The following TST variants were observed in gnomAD, a reference collection of about 807,000 sequenced individuals.
The protein encoded by TST is thiosulfate sulfurtransferase, also known as epididymis secretory sperm binding protein.
A neutral mutation model predicts 20.4 loss-of-function variants in TST; 22 were observed. The observed-to-expected ratio is 1.08, with a 90% CI of 0.77 to 1.54. TST has a LOEUF of 1.54. Ranked by LOEUF, TST falls within the 40% of genes most tolerant of loss-of-function variation. The pLI, the probability that TST is intolerant of heterozygous loss-of-function variation, is 0.00. For synonymous variants in TST, 187 were observed against 173.8 expected, an observed-to-expected ratio of 1.08 and a Z score of -0.60; for missense variants, 392 against 405.2, an observed-to-expected ratio of 0.97 and a Z score of 0.28.
intron 2 of TST, among the ~76,000 whole-genome samples, chr22:37,011,913 A>C (rs135166): frequency 0.11 from 17,024 of 152,232 alleles, 1,177 homozygotes; most frequent in African/African-American, 0.18. Context: ...AAGGCCACAC[A>C]GAAAGATGAA....
In TST at chr22:37,011,254, C is replaced by T. The variant is rs144661934; in HGVS notation, c.667G>A (p.Glu223Lys). The T allele has an allele frequency of 8.8e-5, 142 of 1,613,828 alleles. 2 individuals carry two copies. The African/African-American group carries it at 1.1e-3, about 12-fold the overall frequency. ...GCACGGAGCTCTTCTGGGCCCTTCT[C>T]GAAGCCATCCTCAGTCAGGAAGTCC... is the stretch of plus-strand genomic sequence containing the variant. ...FMDFLTEDGF[E>K]KGPEELRALF... The change falls in exon 3 of 3, where the codon GAG becomes AAG. Residue 223 changes from glutamate (E) to lysine (K), a missense_variant. Glu to Lys is a moderately conservative substitution (Grantham distance 56, BLOSUM62 1). Transcript: ENST00000249042.
intron 2 of TST, among the ~76,000 whole-genome samples, chr22:37,013,602 A>C (rs1254701589): frequency 6.6e-6 from 1 of 152,148 alleles, no homozygotes; most frequent in Non-Finnish European, 1.5e-5. Flanking sequence ...TCAAAAATAT[A>C]ATAATAATGA....
At chr22:37,018,111 G>A in intron 2 of TST, 27 bp downstream of exon 2, 1 of 1,496,216 alleles carries the variant, frequency 6.7e-7, no homozygotes. Flanking sequence ...ATACTCCCCA[G>A]GGACCACCCA....
Position 37,011,122 on chromosome 22 carries a change from G to A in TST, c.799C>T (p.Pro267Ser). 1.2e-6 allele frequency: 2 copies of A among 1,613,672 alleles called. No individual in the cohort carries two copies. Among genetic ancestry groups the A allele is most frequent in the Non-Finnish European group, 1.7e-6 (2 of 1,180,036 alleles). Residue 267 changes from proline (P) to serine (S), a missense_variant, in exon 3 of 3, where the codon CCT (proline) becomes TCT (serine). Physicochemically the swap from Pro to Ser is moderately conservative, Grantham distance 74 (BLOSUM62 -1). Coordinates refer to ENST00000249042, the MANE Select transcript of TST (RefSeq NM_003312.6). Reference sequence around the variant, plus strand: ...GAGCCATCGTACACGGCCACATCAGGCTTGCCGCAGAGGTAGGCAGCCAAG... The same window carrying A: ...GAGCCATCGTACACGGCCACATCAGACTTGCCGCAGAGGTAGGCAGCCAAG... ...VALAAYLCGK[P>S]DVAVYDGSWS...
intron 2 of TST, among the ~76,000 whole-genome samples, chr22:37,014,119 T>C (rs1020462560): frequency 6.6e-6 from 1 of 152,070 alleles, no homozygotes; most frequent in Non-Finnish European, 1.5e-5. Flanking sequence ...TCCCAGTACT[T>C]TGGGAGGCCG....
chr22:37,018,591 A>C lies in TST; in HGVS notation c.142T>G (p.Tyr48Asp). 5 of 1,563,334 alleles carry C rather than the reference A, an allele frequency of 3.2e-6. No homozygotes were observed. Among genetic ancestry groups the C allele is most frequent in the Non-Finnish European group, 4.3e-6 (5 of 1,154,452 alleles). Reference sequence around the variant, plus strand: ...GCGCCGGGTACGTGGCGCTCGAGGTACTCCTTGCGGGCCTCTCGGGTGCCT... The same window carrying C: ...GCGCCGGGTACGTGGCGCTCGAGGTCCTCCTTGCGGGCCTCTCGGGTGCCT... ...SPGTREARKE[Y>D]LERHVPGASF... Residue 48 changes from tyrosine (Y) to aspartate (D), a missense_variant, in exon 2 of 3, where the codon TAC (tyrosine) becomes GAC (aspartate). Coordinates refer to ENST00000249042, the MANE Select transcript of TST (RefSeq NM_003312.6).
chr22:37,011,940 C>T (rs941364125), intron 2 of TST, among the ~76,000 whole-genome samples: 2 of 152,226 alleles, frequency 1.3e-5, no homozygotes, highest in African/African-American at 2.4e-5. Flanking sequence ...CCCAGGATTA[C>T]ATCGGGGCCT....
At chr22:37,015,056 C>G (rs550391780) in intron 2 of TST, among the ~76,000 whole-genome samples, 23 of 152,268 alleles carry the variant, frequency 1.5e-4, no homozygotes, top group African/African-American at 5.5e-4. Context: ...AGCCCCTGGG[C>G]TTGCTTACAG....
upstream of TST, chr22:37,019,924 C>A: frequency 2.1e-6 from 2 of 960,788 alleles, no homozygotes; most frequent in Non-Finnish European, 1.4e-6. Flanking sequence ...GGGAGTGGCT[C>A]TTTGGGGGTG....
chr22:37,020,093 T>C (rs1360380541), upstream of TST: 1 of 379,296 alleles, frequency 2.6e-6, no homozygotes, highest in Non-Finnish European at 4.6e-6. Context: ...TGGGTGGAAG[T>C]GGGTGACCTG....
At chr22:37,020,049 G>A, upstream of TST, 1 of 400,912 alleles carries the variant, frequency 2.5e-6, no homozygotes, top group Non-Finnish European at 4.4e-6. Flanking sequence ...CGGCCTGCCG[G>A]GTGGGGTCGT....
rs1399419210 is a variant in TST at position 37,018,651 on chromosome 22, C to G, written c.82G>C (p.Gly28Arg). 3.8e-6 allele frequency: 6 copies of G among 1,560,468 alleles called. No individual in the cohort carries two copies. In the Admixed American group the frequency reaches 1.1e-4, roughly 30 times the overall value. ...ESIRTGKLGP[G>R]LRVLDASWYS... ...CAGGACGCGTCCAGCACCCGCAGGC[C>G]GGGCCCCAGCTTGCCAGTCCTGATG... Residue 28 changes from glycine (G) to arginine (R), a missense_variant, in exon 2 of 3, where the codon GGC (glycine) becomes CGC (arginine). Transcript: ENST00000249042.
In TST at chr22:37,015,935, CTTTTTTTTTT is replaced by C. The variant is rs1000783141; in HGVS notation, c.595+2193_595+2202del. On this transcript the variant is annotated intron_variant, in intron 2 of 2. Coordinates refer to ENST00000249042, the MANE Select transcript of TST (RefSeq NM_003312.6). ...TGAAATCCCTTTCCAGCCACTGCTACTTTTTTTTTTTTTTTTTTTTTTTTTTGAGACAGAG... is the reference window on the plus strand; with the variant it reads ...TGAAATCCCTTTCCAGCCACTGCTACTTTTTTTTTTTTTTTTGAGACAGAG... 3.7e-3 allele frequency among the ~76,000 whole-genome samples: 274 copies of C among 73,896 alleles called. 2 individuals carry two copies. The highest frequency in any genetic ancestry group is 0.014 in the African/African-American group (249 of 17,250). The allele number at this position is 73,896 out of a possible 152,430, so 48.5% of individuals were successfully genotyped here. A position where few individuals can be genotyped will look rare whatever the true frequency, so the allele number is the denominator to read the frequency against.
Position 37,014,043 on chromosome 22 carries a change from A to C in TST, c.596-2718T>G, listed in dbSNP as rs376919438. On this transcript the variant is annotated intron_variant, in intron 2 of 2. Coordinates refer to ENST00000249042, the MANE Select transcript of TST (RefSeq NM_003312.6). ...TAAATGAACTGTGGGAAGGGCTGAG[A>C]TGAACCTGGGCCAGAGAACTTTCAA... Among the ~76,000 whole-genome samples the C allele has an allele frequency of 2.7e-4, 41 of 152,102 alleles. 1 individual carries two copies. The highest frequency in any genetic ancestry group is 9.2e-4 in the African/African-American group (38 of 41,478).
At chr22:37,017,020 C>A (rs1184110733) in intron 2 of TST, among the ~76,000 whole-genome samples, 2 of 152,168 alleles carry the variant, frequency 1.3e-5, no homozygotes, top group Non-Finnish European at 2.9e-5. Flanking sequence ...TTCAACAAGT[C>A]AGGCAAAATG....
At chr22:37,014,490 C>T (rs546100277) in intron 2 of TST, among the ~76,000 whole-genome samples, 7 of 152,360 alleles carry the variant, frequency 4.6e-5, no homozygotes, top group African/African-American at 1.4e-4. Context: ...CTCTCCCTGC[C>T]CCCAGCAGGC....
chr22:37,017,795 G>A (rs2145900621), intron 2 of TST, among the ~76,000 whole-genome samples: 1 of 152,242 alleles, frequency 6.6e-6, no homozygotes, highest in East Asian at 1.9e-4. Flanking sequence ...GCAAACGCTG[G>A]CTCAGGGGCA....
Position 37,018,401 on chromosome 22 carries a change from C to T in TST, c.332G>A (p.Arg111Gln). 7 of 1,613,822 alleles carry T rather than the reference C, an allele frequency of 4.3e-6. No homozygotes were observed. The highest frequency in any genetic ancestry group is 4.5e-5 in the East Asian group (2 of 44,874). ...AAACACACGGAACATCCACCAGACC[C>T]GGGGAGCATAGAAGCTGCCCAGGTG... Reference protein sequence around the residue: ...GEHLGSFYAPRVWWMFRVFGH... With the variant: ...GEHLGSFYAPQVWWMFRVFGH... Residue 111 changes from arginine (R) to glutamine (Q), a missense_variant, in exon 2 of 3, where the codon CGG becomes CAG. Coordinates refer to ENST00000249042, the MANE Select transcript of TST (RefSeq NM_003312.6).
intron 2 of TST, among the ~76,000 whole-genome samples, chr22:37,012,106 T>G (rs577031099): frequency 2.0e-5 from 3 of 152,344 alleles, no homozygotes; most frequent in Admixed American, 2.0e-4. Flanking sequence ...TATTGGCTGC[T>G]GCACGAAGCG....
Sources: gnomAD v4.1 joint callset for allele counts (sites outside exome capture counted in the v4.1 genomes callset) on GRCh38, gnomAD v4.1.1 for gene constraint, MANE v1.5 for transcripts, NCBI Gene and HGNC (gene_info 2026-07-23, HGNC 2026-07-21) for gene names.